The following RAB22A variants were observed in gnomAD, a reference collection of about 807,000 sequenced individuals.
The protein encoded by RAB22A is ras-related protein Rab-22A.
RAB22A carries 13 observed loss-of-function variants against 30.2 expected under a neutral mutation model. The observed-to-expected ratio is 0.43, with a 90% CI of 0.28 to 0.68. RAB22A has a LOEUF of 0.68. RAB22A is among the 30% of genes least tolerant of loss of function. The pLI, the probability that RAB22A is intolerant of heterozygous loss-of-function variation, is 0.18. For missense variants in RAB22A, 177 were observed against 246.8 expected (o/e 0.72, Z 1.89); for synonymous variants, 89 against 87.2 (o/e 1.02, Z -0.11).
At chr20:58,331,911 T>C (rs966284015) in intron 2 of RAB22A, among the ~76,000 whole-genome samples, 5 of 152,190 alleles carry the variant, frequency 3.3e-5, no homozygotes, top group South Asian at 4.1e-4. Context: ...TATCTACCAC[T>C]GAACTCCTCT....
At chr20:58,357,229 C>G (rs1449453025) in intron 6 of RAB22A, among the ~76,000 whole-genome samples, 1 of 152,164 alleles carries the variant, frequency 6.6e-6, no homozygotes, top group Admixed American at 6.5e-5. Context: ...AGCACATTTC[C>G]GAATATATGT....
rs1987223335 is a variant in RAB22A at position 58,361,486 on chromosome 20, T to C, written c.*1783T>C. Reference sequence around the variant, plus strand: ...CTAACTTCGTTTTGTTTAAAAGACATGTGGATGCTCCATGCCCCTAGGATT... The same window carrying C: ...CTAACTTCGTTTTGTTTAAAAGACACGTGGATGCTCCATGCCCCTAGGATT... On this transcript the variant is annotated 3_prime_UTR_variant, in exon 7 of 7. Transcript: ENST00000244040. The C allele has an allele frequency of 1.3e-5, 2 of 152,210 alleles. No individual in the cohort carries two copies. Among genetic ancestry groups the C allele is most frequent in the Admixed American group, 6.5e-5 (1 of 15,274 alleles). The allele number at this position is 152,210 out of a possible 1,614,324, so 9.4% of individuals were successfully genotyped here.
intron 2 of RAB22A, among the ~76,000 whole-genome samples, chr20:58,334,344 A>G (rs78583963): frequency 0.014 from 2,072 of 152,154 alleles, 20 homozygotes; most frequent in Non-Finnish European, 0.02. Context: ...TCAAAAAAAA[A>G]AAAAATTCTT....
At chr20:58,312,431 T>C (rs1390085503) in intron 2 of RAB22A, among the ~76,000 whole-genome samples, 1 of 150,958 alleles carries the variant, frequency 6.6e-6, no homozygotes, top group East Asian at 1.9e-4. Context: ...TTGTATTTTT[T>C]AGTAGAGATA....
chr20:58,333,805 A>G (rs1986699982), intron 2 of RAB22A, among the ~76,000 whole-genome samples: 1 of 152,196 alleles, frequency 6.6e-6, no homozygotes, highest in African/African-American at 2.4e-5. Flanking sequence ...TTATAATCCC[A>G]GTGCTTTGGG....
intron 2 of RAB22A, among the ~76,000 whole-genome samples, chr20:58,322,413 C>T (rs560683918): frequency 6.6e-6 from 1 of 152,306 alleles, no homozygotes; most frequent in South Asian, 2.1e-4. Context: ...AAATTCAAAT[C>T]TTCAGTCATA....
chr20:58,326,142 TTTTG>T (rs1339539050), intron 2 of RAB22A, among the ~76,000 whole-genome samples: 3 of 151,166 alleles, frequency 2.0e-5, no homozygotes, highest in African/African-American at 7.3e-5. Context: ...CTTTTTCCTG[TTTTG>T]TTTTTTTTTA....
chr20:58,358,973 G>C (rs1987179227), intron 6 of RAB22A, among the ~76,000 whole-genome samples: 1 of 151,898 alleles, frequency 6.6e-6, no homozygotes, highest in African/African-American at 2.4e-5. Context: ...TTGAGTGAAA[G>C]TATCAAGGTG....
intron 2 of RAB22A, among the ~76,000 whole-genome samples, chr20:58,319,539 T>C (rs1986412074): frequency 1.3e-5 from 2 of 152,212 alleles, no homozygotes; most frequent in African/African-American, 4.8e-5. Flanking sequence ...CCTCTGGGTC[T>C]TTTGCATTTC....
intron 2 of RAB22A, among the ~76,000 whole-genome samples, chr20:58,329,953 AAG>A (rs1357908490): frequency 6.6e-6 from 1 of 152,144 alleles, no homozygotes; most frequent in African/African-American, 2.4e-5. Context: ...TCTGGGGGGG[AAG>A]AGTCTGTATA....
intron 2 of RAB22A, among the ~76,000 whole-genome samples, chr20:58,322,473 T>A (rs1274690801): frequency 6.6e-6 from 1 of 152,244 alleles, no homozygotes. Context: ...TAGCACTGAT[T>A]TACATCATTT....
At chr20:58,311,869 G>A (rs760762651) in intron 2 of RAB22A, among the ~76,000 whole-genome samples, 1 of 152,134 alleles carries the variant, frequency 6.6e-6, no homozygotes, top group Non-Finnish European at 1.5e-5. Flanking sequence ...ATCATTCTTT[G>A]ACTAATAGAG....
chr20:58,334,335 CA>C (rs11477658), intron 2 of RAB22A, among the ~76,000 whole-genome samples: 19,138 of 132,910 alleles, frequency 0.14, 1,680 homozygotes, highest in African/African-American at 0.27. Context: ...AAGTCCATCT[CA>C]AAAAAAAAAA....
intron 3 of RAB22A, among the ~76,000 whole-genome samples, chr20:58,348,001 C>T (rs750236274): frequency 2.1e-4 from 32 of 152,264 alleles, no homozygotes; most frequent in Non-Finnish European, 4.1e-4. Context: ...CCAAGGCAGG[C>T]GGATCACCTG....
At chr20:58,316,527 A>G (rs948548711) in intron 2 of RAB22A, among the ~76,000 whole-genome samples, 1 of 152,042 alleles carries the variant, frequency 6.6e-6, no homozygotes, top group African/African-American at 2.4e-5. Context: ...TACACTACAC[A>G]TACGCTGTAA....
At chr20:58,312,795 T>C (rs901597460) in intron 2 of RAB22A, among the ~76,000 whole-genome samples, 6 of 152,110 alleles carry the variant, frequency 3.9e-5, no homozygotes, top group African/African-American at 1.4e-4. Flanking sequence ...TGGCCGCCTA[T>C]CTGCTTTTTT....
rs1162653996 is a variant in RAB22A at position 58,360,296 on chromosome 20, A to G, written c.*593A>G. ...CTAGGATACGTACAGTAAATTAACA[A>G]TGATAGCAGCAGATGCCTAGCTCAT... On this transcript the variant is annotated 3_prime_UTR_variant, in exon 7 of 7. Coordinates refer to ENST00000244040, the MANE Select transcript of RAB22A (RefSeq NM_020673.3). 2 of 152,674 alleles carry G rather than the reference A, an allele frequency of 1.3e-5. No individual in the cohort carries two copies. Among genetic ancestry groups the G allele is most frequent in the Non-Finnish European group, 2.9e-5 (2 of 68,046 alleles). The allele number at this position is 152,674 out of a possible 1,614,324, so 9.5% of individuals were successfully genotyped here. A position where few individuals can be genotyped will look rare whatever the true frequency, so the allele number is the denominator to read the frequency against.
chr20:58,322,624 C>T, intron 2 of RAB22A, among the ~76,000 whole-genome samples: 1 of 152,042 alleles, frequency 6.6e-6, no homozygotes, highest in East Asian at 1.9e-4. Flanking sequence ...TAATGATTTG[C>T]TAGAATTTAT....
Position 58,312,472 on chromosome 20 carries a change from C to CTTTTTT in RAB22A, c.116+1379_116+1384dup, listed in dbSNP as rs58198236. Among the ~76,000 whole-genome samples, 29 of 38,752 alleles carry CTTTTTT rather than the reference C, an allele frequency of 7.5e-4. 2 individuals carry two copies. The highest frequency in any genetic ancestry group is 1.0e-3 in the Non-Finnish European group (23 of 22,492). 25.4% of individuals were successfully genotyped at this position (38,752 alleles called of 152,430 possible). On this transcript the variant is annotated intron_variant, in intron 2 of 6. Coordinates refer to ENST00000244040, the MANE Select transcript of RAB22A (RefSeq NM_020673.3). ...GCACCATGTTACTCCGGCTGGTTTT[C>CTTTTTT]TTTTTTTTTTTTTTTTTTTTTTTTT...
Sources: allele counts gnomAD v4.1 joint callset (sites outside exome capture counted in the v4.1 genomes callset), GRCh38; gene constraint gnomAD v4.1.1; transcripts MANE v1.5; gene names NCBI Gene and HGNC (gene_info 2026-07-23, HGNC 2026-07-21).